Variants in DCT observed in about 807,000 individuals in gnomAD.
The protein encoded by DCT is dopachrome tautomerase, also known as L-dopachrome tautomerase.
In DCT, 47 loss-of-function variants were observed where a neutral mutation model predicts 53.0. That is an observed-to-expected ratio of 0.89 (90% CI 0.70 to 1.13). The LOEUF is 1.13. Among genes scored for constraint, DCT ranks in the 50% most tolerant of loss-of-function variants. The pLI is 0.00. For synonymous variants in DCT, 244 were observed against 237.0 expected (o/e 1.03, Z -0.27); for missense variants, 669 against 637.4 (o/e 1.05, Z -0.53).
chr13:94,513,528 C>T, the DCT span, among the ~76,000 whole-genome samples: 3 of 152,240 alleles, frequency 2.0e-5, no homozygotes, highest in East Asian at 5.8e-4. Context: ...CAATGGGCAG[C>T]ATTTGTTAGG....
At chr13:94,495,530 A>G in the DCT span, among the ~76,000 whole-genome samples, 7 of 152,380 alleles carry the variant, frequency 4.6e-5, no homozygotes, top group East Asian at 1.3e-3. Context: ...CAAATAAAAA[A>G]TGTATTCCAT....
chr13:94,542,168 C>A, the DCT span, among the ~76,000 whole-genome samples: 3 of 152,138 alleles, frequency 2.0e-5, no homozygotes, highest in African/African-American at 4.8e-5. Context: ...CATGTCTCAA[C>A]CCTTACCAAG....
chr13:94,542,689 G>A, the DCT span, among the ~76,000 whole-genome samples: 1 of 152,178 alleles, frequency 6.6e-6, no homozygotes, highest in East Asian at 1.9e-4. Flanking sequence ...CTATCTTTAA[G>A]CAGATGTTTT....
At chr13:94,473,707 G>C (rs1330935092) in intron 1 of DCT, among the ~76,000 whole-genome samples, 1 of 152,194 alleles carries the variant, frequency 6.6e-6, no homozygotes. Flanking sequence ...AACCAGAGTT[G>C]CCTCCAAAAG....
chr13:94,482,555 G>A (rs573106399), upstream of DCT, among the ~76,000 whole-genome samples: 229 of 152,186 alleles, frequency 1.5e-3, no homozygotes, highest in African/African-American at 5.1e-3. Context: ...TGACTTATTG[G>A]TTAGGTGGCT....
chr13:94,468,923 G>A lies in DCT; in HGVS notation c.418C>T (p.Gln140Ter). The change falls in exon 2 of 8, where the codon CAG (glutamine) becomes TAG (stop). Residue 140 changes from glutamine to a stop codon, truncating the protein, a stop_gained. Transcript: ENST00000377028. LOFTEE classifies it high-confidence loss of function. ...GCGAGATCTAAGGCGCCCAAGAACT[G>A]CTCTCTTTCCTGAGGACTCAAGGAA... ...IHSLSPQERE[Q>*]FLGALDLAKK... 1 of 1,614,122 alleles carries A rather than the reference G, an allele frequency of 6.2e-7. No homozygotes were observed. The highest frequency in any genetic ancestry group is 1.1e-5 in the South Asian group (1 of 91,078).
chr13:94,441,301 T>C (rs968018944), intron 7 of DCT, among the ~76,000 whole-genome samples: 2 of 152,242 alleles, frequency 1.3e-5, no homozygotes, highest in Non-Finnish European at 2.9e-5. Flanking sequence ...GGTTGCCTTT[T>C]GCTTTTGTCC....
At chr13:94,465,519 G>C in intron 4 of DCT, 114 bp downstream of exon 4, 1 of 901,232 alleles carries the variant, frequency 1.1e-6, no homozygotes, top group Non-Finnish European at 1.6e-6. Flanking sequence ...TTAGAAACAT[G>C]TAAATAGGAC....
At chr13:94,446,827 TC>T (rs1882766548) in intron 6 of DCT, among the ~76,000 whole-genome samples, 2 of 152,142 alleles carry the variant, frequency 1.3e-5, no homozygotes, top group African/African-American at 2.4e-5. Context: ...TGCAGTGTTC[TC>T]CCTGTGTGCA....
At chr13:94,513,068 A>G in the DCT span, among the ~76,000 whole-genome samples, 1 of 152,212 alleles carries the variant, frequency 6.6e-6, no homozygotes, top group African/African-American at 2.4e-5. Context: ...AGTCTTACCC[A>G]TGTATTTAAA....
intron 6 of DCT, chr13:94,452,761 TA>T: frequency 2.0e-5 from 11 of 538,816 alleles, no homozygotes; most frequent in South Asian, 5.6e-5. Flanking sequence ...TATACAGCTA[TA>T]AAAAAAGAAT....
intron 1 of DCT, among the ~76,000 whole-genome samples, chr13:94,478,593 T>C (rs1406307698): frequency 1.3e-5 from 2 of 152,230 alleles, no homozygotes; most frequent in African/African-American, 4.8e-5. Flanking sequence ...TTTCAACAAG[T>C]GCAAACCCAT....
intron 1 of DCT, among the ~76,000 whole-genome samples, chr13:94,472,545 T>C (rs1400401904): frequency 3.3e-5 from 1 of 30,642 alleles, no homozygotes; most frequent in Non-Finnish European, 5.9e-5. Flanking sequence ...TATATATATA[T>C]ATATATATAT....
the DCT span, among the ~76,000 whole-genome samples, chr13:94,493,041 G>A: frequency 1.5e-3 from 228 of 152,254 alleles, 2 homozygotes; most frequent in African/African-American, 4.8e-3. Context: ...TGCTTGGAAC[G>A]TTCATTGTAT....
At chr13:94,514,061 G>A in the DCT span, among the ~76,000 whole-genome samples, 1 of 151,066 alleles carries the variant, frequency 6.6e-6, no homozygotes, top group Non-Finnish European at 1.5e-5. Context: ...GTCAGGGATT[G>A]GCGACGGGGC....
the DCT span, among the ~76,000 whole-genome samples, chr13:94,499,038 C>T: frequency 1.3e-5 from 2 of 152,166 alleles, no homozygotes; most frequent in African/African-American, 4.8e-5. Flanking sequence ...AAGCTGGCCA[C>T]CCCAGCCAGC....
the DCT span, among the ~76,000 whole-genome samples, chr13:94,517,906 G>A: frequency 6.6e-6 from 1 of 152,148 alleles, no homozygotes; most frequent in East Asian, 1.9e-4. Flanking sequence ...CCCCACTACA[G>A]CCTCAAAGGA....
At chr13:94,486,282 C>A in the DCT span, among the ~76,000 whole-genome samples, 1 of 152,142 alleles carries the variant, frequency 6.6e-6, no homozygotes, top group Non-Finnish European at 1.5e-5. Context: ...GCTTTCCTTA[C>A]CTTTTGTTAT....
At chr13:94,473,891 C>T (rs757272299) in intron 1 of DCT, among the ~76,000 whole-genome samples, 16 of 152,186 alleles carry the variant, frequency 1.1e-4, no homozygotes, top group Non-Finnish European at 2.2e-4. Context: ...GCTCTGCAGT[C>T]AGGTCCCTTT....
Sources: allele counts gnomAD v4.1 joint callset (sites outside exome capture counted in the v4.1 genomes callset), GRCh38; gene constraint gnomAD v4.1.1; transcripts MANE v1.5; gene names NCBI Gene and HGNC (gene_info 2026-07-23, HGNC 2026-07-21).